Variants in TMCO5A observed in about 807,000 individuals in gnomAD.
TMCO5A encodes transmembrane and coiled-coil domains 5A.
A neutral mutation model predicts 42.3 loss-of-function variants in TMCO5A; 34 were observed. That is an observed-to-expected ratio of 0.80 (90% CI 0.61 to 1.07). The LOEUF (loss-of-function observed/expected upper bound fraction) is 1.07. Among genes scored for constraint, TMCO5A ranks in the 50% least tolerant of loss-of-function variants. TMCO5A has a pLI of 0.00. For missense variants in TMCO5A, 357 were observed against 327.9 expected, an observed-to-expected ratio of 1.09 and a Z score of -0.69; for synonymous variants, 131 against 115.6, an observed-to-expected ratio of 1.13 and a Z score of -0.86.
chr15:37,977,906 G>C, the TMCO5A span, among the ~76,000 whole-genome samples: 1 of 152,162 alleles, frequency 6.6e-6, no homozygotes, highest in Non-Finnish European at 1.5e-5. Context: ...AACAAATAGT[G>C]GGGGCAGGGA....
the TMCO5A span, among the ~76,000 whole-genome samples, chr15:38,012,919 TG>T: frequency 6.6e-6 from 1 of 152,182 alleles, no homozygotes; most frequent in Non-Finnish European, 1.5e-5. Context: ...ACCTGAGGTC[TG>T]AATGAGAGAA....
At chr15:38,007,942 C>G in the TMCO5A span, among the ~76,000 whole-genome samples, 2 of 116,286 alleles carry the variant, frequency 1.7e-5, 1 homozygote, top group Non-Finnish European at 3.2e-5. Flanking sequence ...GTTGCCCAGG[C>G]TGGAGTGCAG....
downstream of TMCO5A, among the ~76,000 whole-genome samples, chr15:37,953,896 G>A (rs1369365630): frequency 6.6e-6 from 1 of 151,802 alleles, no homozygotes; most frequent in Non-Finnish European, 1.5e-5. Context: ...AGAAACTCTG[G>A]AGTTAAAATG....
At chr15:37,944,846 T>C (rs892443527) in intron 10 of TMCO5A, among the ~76,000 whole-genome samples, 3 of 152,048 alleles carry the variant, frequency 2.0e-5, no homozygotes, top group Non-Finnish European at 4.4e-5. Flanking sequence ...ATACAGGACA[T>C]AGCCTCATCT....
At chr15:37,937,187 T>G (rs1040673455) in intron 4 of TMCO5A, among the ~76,000 whole-genome samples, 159 bp from the exon 5 acceptor site, 3 of 152,178 alleles carry the variant, frequency 2.0e-5, no homozygotes, top group Admixed American at 2.0e-4. Context: ...TATATCCCTG[T>G]ATTTCACCTG....
downstream of TMCO5A, among the ~76,000 whole-genome samples, chr15:37,968,151 G>A (rs1331445811): frequency 6.6e-6 from 1 of 152,164 alleles, no homozygotes; most frequent in Non-Finnish European, 1.5e-5. Flanking sequence ...CTCAGTGCCA[G>A]ACTCAAGGTG....
chr15:38,040,433 A>G, the TMCO5A span: 27 of 152,320 alleles, frequency 1.8e-4, no homozygotes, highest in African/African-American at 6.3e-4. Flanking sequence ...TGACCCAGTA[A>G]GTTTACTCTT....
chr15:38,013,291 T>A, the TMCO5A span, among the ~76,000 whole-genome samples: 3 of 152,196 alleles, frequency 2.0e-5, no homozygotes, highest in South Asian at 6.2e-4. Context: ...GTATCCTGTA[T>A]AGGCAGGCCA....
the TMCO5A span, among the ~76,000 whole-genome samples, chr15:38,014,932 G>C: frequency 8.0e-6 from 1 of 124,986 alleles, no homozygotes; most frequent in Non-Finnish European, 1.6e-5. Context: ...ACAATCATAA[G>C]GTCCCACAAT....
At chr15:37,976,191 G>A in the TMCO5A span, among the ~76,000 whole-genome samples, 2 of 151,634 alleles carry the variant, frequency 1.3e-5, no homozygotes, top group Non-Finnish European at 2.9e-5. Context: ...GTTGCAGTGA[G>A]CTGAGATTGT....
chr15:37,963,734 A>G (rs1890487988), intron 11 of TMCO5A, among the ~76,000 whole-genome samples: 1 of 152,084 alleles, frequency 6.6e-6, no homozygotes, highest in Non-Finnish European at 1.5e-5. Context: ...ATGGAGCTCC[A>G]ATGTTAGGTG....
the TMCO5A span, among the ~76,000 whole-genome samples, chr15:37,982,934 T>A: frequency 2.2e-4 from 34 of 151,952 alleles, no homozygotes; most frequent in Non-Finnish European, 4.1e-4. Context: ...TTTTATTTTT[T>A]CTATTCATAG....
At chr15:37,991,494 A>G in the TMCO5A span, among the ~76,000 whole-genome samples, 1 of 152,026 alleles carries the variant, frequency 6.6e-6, no homozygotes, top group African/African-American at 2.4e-5. Flanking sequence ...TATGTCTTTT[A>G]TCAAATTTGG....
At chr15:38,023,313 G>C in the TMCO5A span, among the ~76,000 whole-genome samples, 1 of 152,166 alleles carries the variant, frequency 6.6e-6, no homozygotes, top group African/African-American at 2.4e-5. Context: ...TGCAATCTTA[G>C]CAGGGATGAC....
At chr15:38,017,849 T>G in the TMCO5A span, among the ~76,000 whole-genome samples, 1 of 152,132 alleles carries the variant, frequency 6.6e-6, no homozygotes, top group Non-Finnish European at 1.5e-5. Flanking sequence ...GGTGATTGAA[T>G]CATGAGAGTG....
At chr15:37,972,355 T>A (rs532662364), downstream of TMCO5A, among the ~76,000 whole-genome samples, 143 of 152,282 alleles carry the variant, frequency 9.4e-4, no homozygotes, top group African/African-American at 3.3e-3. Flanking sequence ...GAATTCAAGA[T>A]GAGATTTGGG....
the TMCO5A span, among the ~76,000 whole-genome samples, chr15:38,020,855 G>A: frequency 6.6e-6 from 1 of 152,024 alleles, no homozygotes; most frequent in African/African-American, 2.4e-5. Context: ...TTTGGTTTAA[G>A]AGAAATAAAA....
At chr15:37,937,473 G>GATCATAGAGGAACCC (rs1889561374) in intron 5 of TMCO5A, 77 bp downstream of exon 5, 8 of 1,492,420 alleles carry the variant, frequency 5.4e-6, no homozygotes, top group Non-Finnish European at 6.5e-6. Flanking sequence ...TGGGGGAAGT[G>GATCATAGAGGAACCC]ATCATAGAGG....
chr15:38,012,395 T>G, the TMCO5A span, among the ~76,000 whole-genome samples: 10 of 152,244 alleles, frequency 6.6e-5, no homozygotes, highest in South Asian at 2.1e-3. Flanking sequence ...GAGCAGAAAA[T>G]ATCTTCAATT....
Sources: allele counts gnomAD v4.1 joint callset (sites outside exome capture counted in the v4.1 genomes callset), GRCh38; gene constraint gnomAD v4.1.1; transcripts MANE v1.5; gene names NCBI Gene and HGNC (gene_info 2026-07-23, HGNC 2026-07-21).